Variants in APC2 observed in about 807,000 individuals in gnomAD.
APC2 encodes the protein APC regulator of Wnt signaling pathway 2.
A neutral mutation model predicts 72.5 loss-of-function variants in APC2; 41 were observed. The ratio of observed to expected loss-of-function variants is 0.57; its 90% CI spans 0.44 to 0.73. The LOEUF (loss-of-function observed/expected upper bound fraction) is 0.73. APC2 is among the 30% of genes least tolerant of loss of function. The pLI, the probability that APC2 is intolerant of heterozygous loss-of-function variation, is 0.00. For synonymous variants in APC2, 1,898 were observed against 1,612.0 expected (o/e 1.18, Z -4.25); for missense variants, 3,729 against 3,403.4 (o/e 1.10, Z -2.38).
chr19:1,466,671 G>C lies in APC2; in HGVS notation c.3370G>C (p.Val1124Leu). 1 of 1,504,536 alleles carries C rather than the reference G, an allele frequency of 6.6e-7. No individual in the cohort carries two copies. Among genetic ancestry groups the C allele is most frequent in the Non-Finnish European group, 8.9e-7 (1 of 1,127,098 alleles). 93.2% of individuals were successfully genotyped at this position (1,504,536 alleles called of 1,614,324 possible). A position where few individuals can be genotyped will look rare whatever the true frequency, so the allele number is the denominator to read the frequency against. The change falls in exon 15 of 15, where the codon GTA becomes CTA. Residue 1124 changes from valine to leucine, a missense_variant. Physicochemically the swap from Val to Leu is conservative, Grantham distance 32. Transcript: ENST00000590469. ...WRAPGATSLP[V>L]AIPAPRRNRG... ...GGCGCCCGGGGCCACCTCGCTGCCC[G>C]TAGCCATTCCGGCTCCCCGGCGTAA...
At position 1,467,594 on chromosome 19, in the gene APC2, C is replaced by T; in HGVS notation, c.4293C>T (p.Arg1431=). 1 of 1,512,894 alleles carries T rather than the reference C, an allele frequency of 6.6e-7. No homozygotes were observed. The highest frequency in any genetic ancestry group is 8.8e-7 in the Non-Finnish European group (1 of 1,137,100). The allele number at this position is 1,512,894 out of a possible 1,614,324, so 93.7% of individuals were successfully genotyped here. ...GPAGRQRPTG[R]PTSARQAMGH... Reference sequence around the variant, plus strand: ...CGGGCAGGCAAAGACCCACCGGCCGCCCCACCTCTGCCAGACAGGCCATGG... The same window carrying T: ...CGGGCAGGCAAAGACCCACCGGCCGTCCCACCTCTGCCAGACAGGCCATGG... Residue 1431 remains arginine, a synonymous_variant, in exon 15 of 15, where the codon CGC becomes CGT. Transcript: ENST00000590469.
At position 1,467,754 on chromosome 19, in the gene APC2, G is replaced by A. The variant is rs1446699429; in HGVS notation, c.4453G>A (p.Gly1485Ser). 3.5e-6 allele frequency: 5 copies of A among 1,432,582 alleles called. No homozygotes were observed. Among genetic ancestry groups the A allele is most frequent in the South Asian group, 1.4e-5 (1 of 69,238 alleles). 88.7% of individuals were successfully genotyped at this position (1,432,582 alleles called of 1,614,324 possible). Reference protein sequence around the residue: ...APADKDGSKPGRTRGDGALQS... With the variant: ...APADKDGSKPSRTRGDGALQS... Reference sequence around the variant, plus strand: ...CGCAGACAAGGACGGCTCAAAGCCCGGCCGGACCCGCGGGGACGGGGCGCT... The same window carrying A: ...CGCAGACAAGGACGGCTCAAAGCCCAGCCGGACCCGCGGGGACGGGGCGCT... The change falls in exon 15 of 15, where the codon GGC (glycine) becomes AGC (serine). Residue 1485 changes from glycine to serine, a missense_variant. By Grantham distance (56) the Gly-to-Ser change is moderately conservative. Coordinates refer to ENST00000590469, the MANE Select transcript of APC2 (RefSeq NM_005883.3).
chr19:1,465,118 G>C lies in APC2; in HGVS notation c.1854-37G>C, dbSNP rs749507810. 5.1e-6 allele frequency: 8 copies of C among 1,566,502 alleles called. No individual in the cohort carries two copies. The East Asian group carries it at 1.2e-4, about 23-fold the overall frequency. The stretch of plus-strand genomic sequence containing the variant: ...CATCCTTCGGTGGGCAGGGGAGGGT[G>C]GGGGGTGGCCCAGGCTAACCCGCCC... On this transcript the variant is annotated intron_variant, in intron 14 of 14. Coordinates refer to ENST00000590469, the MANE Select transcript of APC2 (RefSeq NM_005883.3).
At chr19:1,453,184 G>A in intron 2 of APC2, 42 bp downstream of exon 2, 1 of 1,572,058 alleles carries the variant, frequency 6.4e-7, no homozygotes. Flanking sequence ...GTCCCGGGGT[G>A]GTGCCCCCCG....
chr19:1,450,167 GC>G lies in APC2; in HGVS notation c.-187del. ...AGGAGCGGCAGCGCCGCCTGCCCAG[GC>G]CCGGACCGGGCTTTGTCCGCCCCGG... On this transcript the variant is annotated 5_prime_UTR_variant, in exon 1 of 15. Coordinates refer to ENST00000590469, the MANE Select transcript of APC2 (RefSeq NM_005883.3). 1.0e-6 allele frequency: 1 copy of G among 985,248 alleles called. No homozygotes were observed. The highest frequency in any genetic ancestry group is 1.2e-6 in the Non-Finnish European group (1 of 829,872). The allele number at this position is 985,248 out of a possible 1,614,324, so 61.0% of individuals were successfully genotyped here. A position where few individuals can be genotyped will look rare whatever the true frequency, so the allele number is the denominator to read the frequency against.
chr19:1,466,415 G>A lies in APC2; in HGVS notation c.3114G>A (p.Lys1038=), dbSNP rs764515176. 1 of 1,596,990 alleles carries A rather than the reference G, an allele frequency of 6.3e-7. No individual in the cohort carries two copies. The highest frequency in any genetic ancestry group is 1.3e-5 in the African/African-American group (1 of 74,900). The change falls in exon 15 of 15, where the codon AAG becomes AAA. Residue 1038 remains lysine, a synonymous_variant. Transcript: ENST00000590469. The stretch of plus-strand genomic sequence containing the variant: ...GGCTGCCGGCAGACCACCTGAGCAA[G>A]GTTCCCGAGAAGCTGGCGGCTGCCC... The part of the protein sequence containing the change: ...QAWLPADHLS[K]VPEKLAAAPL...
At chr19:1,457,928 G>A (rs371111262) in intron 9 of APC2, 37 bp from the exon 10 acceptor site, 533 of 1,525,800 alleles carry the variant, frequency 3.5e-4, no homozygotes, top group Non-Finnish European at 4.4e-4. Context: ...GACATTTCCT[G>A]GGAATGGGGG....
At position 1,469,300 on chromosome 19, in the gene APC2, A is replaced by G; in HGVS notation, c.5999A>G (p.Glu2000Gly). 7.1e-7 allele frequency: 1 copy of G among 1,418,256 alleles called. No individual in the cohort carries two copies. Among genetic ancestry groups the G allele is most frequent in the Non-Finnish European group, 9.2e-7 (1 of 1,083,042 alleles). 87.9% of individuals were successfully genotyped at this position (1,418,256 alleles called of 1,614,324 possible). A position where few individuals can be genotyped will look rare whatever the true frequency, so the allele number is the denominator to read the frequency against. Residue 2000 changes from glutamate to glycine, a missense_variant, in exon 15 of 15, where the codon GAG becomes GGG. Coordinates refer to ENST00000590469, the MANE Select transcript of APC2 (RefSeq NM_005883.3). Reference protein sequence around the residue: ...GFRRQLTFIKESPGLRRRRSE... With the variant: ...GFRRQLTFIKGSPGLRRRRSE... Reference sequence around the variant, plus strand: ...CGGCGACAGCTAACCTTCATCAAGGAGTCGCCGGGCTTGCGGCGCCGCCGC... The same window carrying G: ...CGGCGACAGCTAACCTTCATCAAGGGGTCGCCGGGCTTGCGGCGCCGCCGC...
chr19:1,467,316 G>A lies in APC2; in HGVS notation c.4015G>A (p.Glu1339Lys). 2.2e-6 allele frequency: 3 copies of A among 1,365,654 alleles called. No individual in the cohort carries two copies. The highest frequency in any genetic ancestry group is 2.8e-6 in the Non-Finnish European group (3 of 1,063,022). 84.6% of individuals were successfully genotyped at this position (1,365,654 alleles called of 1,614,324 possible). ...GSRPRGAADQELELLRECLGA... is the reference protein window; with the variant it reads ...GSRPRGAADQKLELLRECLGA... ...TCGCCCTCGCGGCGCCGCGGACCAG[G>A]AGCTGGAACTGCTGCGGGAGTGCCT... is the stretch of plus-strand genomic sequence containing the variant. Residue 1339 changes from glutamate to lysine, a missense_variant, in exon 15 of 15, where the codon GAG becomes AAG. Glu to Lys is a moderately conservative substitution (Grantham distance 56). Transcript: ENST00000590469.
rs2084000232 is a variant in APC2, at chr19:1,465,798, A to G, written c.2497A>G (p.Thr833Ala). ...RRGGKEAEKD[T>A]SGEAAVAAKA... The stretch of plus-strand genomic sequence containing the variant: ...AGGCGGCAAGGAGGCAGAGAAGGAC[A>G]CCAGTGGGGAGGCAGCCGTGGCGGC... Residue 833 changes from threonine (T) to alanine (A), a missense_variant, in exon 15 of 15, where the codon ACC (threonine) becomes GCC (alanine). Physicochemically the swap from Thr to Ala is moderately conservative, Grantham distance 58. Coordinates refer to ENST00000590469, the MANE Select transcript of APC2 (RefSeq NM_005883.3). 2 of 1,581,226 alleles carry G rather than the reference A, an allele frequency of 1.3e-6. No individual in the cohort carries two copies. The highest frequency in any genetic ancestry group is 1.8e-5 in the Admixed American group (1 of 56,056).
In APC2 at chr19:1,467,837, C is replaced by G. The variant is rs764548178; in HGVS notation, c.4536C>G (p.Asn1512Lys). 8.5e-6 allele frequency: 13 copies of G among 1,525,874 alleles called. No individual in the cohort carries two copies. The highest frequency in any genetic ancestry group is 1.2e-5 in the South Asian group (1 of 81,198). 94.5% of individuals were successfully genotyped at this position (1,525,874 alleles called of 1,614,324 possible). Residue 1512 changes from asparagine (N) to lysine (K), a missense_variant, in exon 15 of 15, where the codon AAC becomes AAG. Physicochemically the swap from Asn to Lys is moderately conservative, Grantham distance 94 (BLOSUM62 0). Coordinates refer to ENST00000590469, the MANE Select transcript of APC2 (RefSeq NM_005883.3). ...TEEAVYCFYG[N>K]DSDEEPPAAA... ...AGGCCGTGTACTGCTTCTACGGCAACGACTCGGACGAGGAGCCCCCGGCGG... is the reference window on the plus strand; with the variant it reads ...AGGCCGTGTACTGCTTCTACGGCAAGGACTCGGACGAGGAGCCCCCGGCGG...
chr19:1,460,392 C>T (rs1033044247), intron 11 of APC2, 72 bp downstream of exon 11: 6 of 1,597,322 alleles, frequency 3.8e-6, no homozygotes, highest in Non-Finnish European at 5.1e-6. Flanking sequence ...CCTTCCAACT[C>T]ATCCCAGCCT....
chr19:1,451,473 C>T (rs1017174148), intron 1 of APC2: 2 of 152,388 alleles, frequency 1.3e-5, no homozygotes, highest in Non-Finnish European at 2.9e-5. Flanking sequence ...CCTTGGACAT[C>T]ATCGGATCAG....
At position 1,455,256 on chromosome 19, in the gene APC2, C is replaced by T; in HGVS notation, c.521C>T (p.Thr174Met). The T allele has an allele frequency of 6.4e-7, 1 of 1,571,034 alleles. No individual in the cohort carries two copies. The highest frequency in any genetic ancestry group is 8.6e-7 in the Non-Finnish European group (1 of 1,163,496). The change falls in exon 5 of 15, where the codon ACG (threonine) becomes ATG (methionine). Residue 174 changes from threonine (T) to methionine (M), a missense_variant and splice_region_variant. Physicochemically the swap from Thr to Met is moderately conservative, Grantham distance 81 (BLOSUM62 -1). Coordinates refer to ENST00000590469, the MANE Select transcript of APC2 (RefSeq NM_005883.3). ...KRLDELPHVE[T>M]QFSMQMDLIR... is the part of the protein sequence containing the mutation. ...CTGGACGAGCTGCCGCACGTGGAGACGGTGAGCCGGCCGGGGAGCCAGGGG... is the reference window on the plus strand; with the variant it reads ...CTGGACGAGCTGCCGCACGTGGAGATGGTGAGCCGGCCGGGGAGCCAGGGG...
In APC2 at chr19:1,456,089, G is replaced by T. The variant is rs1291208907; in HGVS notation, c.653G>T (p.Arg218Leu). 6.3e-7 allele frequency: 1 copy of T among 1,581,422 alleles called. No homozygotes were observed. Among genetic ancestry groups the T allele is most frequent in the Non-Finnish European group, 8.6e-7 (1 of 1,166,912 alleles). The change falls in exon 7 of 15, where the codon CGC becomes CTC. Residue 218 changes from arginine (R) to leucine (L), a missense_variant. Transcript: ENST00000590469. The part of the protein sequence containing the change: ...MVQRAQIRAS[R>L]LEQIDKELLE... ...GGTCCTGAGCAGATCCGCGCCTCGC[G>T]CCTGGAGCAGATTGACAAGGAGCTG...
At chr19:1,458,880 C>G (rs1419020201) in intron 10 of APC2, among the ~76,000 whole-genome samples, 1 of 152,122 alleles carries the variant, frequency 6.6e-6, no homozygotes, top group African/African-American at 2.4e-5. Context: ...GACGGGGTTT[C>G]ACCGTGTTGC....
At chr19:1,453,389 C>T in intron 3 of APC2, 42 bp from the exon 4 acceptor site, 3 of 1,610,230 alleles carry the variant, frequency 1.9e-6, no homozygotes, top group Non-Finnish European at 2.5e-6. Context: ...GGGGGAAAGG[C>T]AGGCAGGGCC....
chr19:1,456,809 G>A (rs1410230534), intron 8 of APC2, 44 bp from the exon 9 acceptor site: 4 of 1,566,368 alleles, frequency 2.6e-6, no homozygotes, highest in South Asian at 2.3e-5. Flanking sequence ...CAGGTGTGCG[G>A]GGGGCAGGTG....
intron 1 of APC2, chr19:1,451,420 A>T (rs1015805736): frequency 6.5e-6 from 1 of 152,680 alleles, no homozygotes; most frequent in Non-Finnish European, 1.5e-5. Context: ...CCCTGCGTGT[A>T]GCCCCCAACC....
Sources: gnomAD v4.1 joint callset for allele counts (sites outside exome capture counted in the v4.1 genomes callset) on GRCh38, gnomAD v4.1.1 for gene constraint, MANE v1.5 for transcripts, NCBI Gene and HGNC (gene_info 2026-07-23, HGNC 2026-07-21) for gene names.